The following EDARADD variants were observed in gnomAD, a reference collection of about 807,000 sequenced individuals.
EDARADD encodes the protein EDAR associated via death domain.
In EDARADD, 20 loss-of-function variants were observed where a neutral mutation model predicts 25.6. The observed-to-expected ratio is 0.78, with a 90% CI of 0.55 to 1.14. The LOEUF is 1.14. EDARADD is among the 50% of genes most tolerant of loss of function. The pLI, the probability that EDARADD is intolerant of heterozygous loss-of-function variation, is 0.00. For missense variants in EDARADD, 225 were observed against 270.1 expected (o/e 0.83, Z 1.17); for synonymous variants, 86 against 94.4 (o/e 0.91, Z 0.52).
At chr1:236,440,374 AT>A (rs1658367111) in intron 4 of EDARADD, among the ~76,000 whole-genome samples, 1 of 151,960 alleles carries the variant, frequency 6.6e-6, no homozygotes, top group South Asian at 2.1e-4. Flanking sequence ...CTCCATGTAA[AT>A]TTTAGAATCA....
chr1:236,394,695 TATTTA>T (rs1256209048), intron 1 of EDARADD, among the ~76,000 whole-genome samples, 190 bp downstream of exon 1: 5 of 152,254 alleles, frequency 3.3e-5, no homozygotes, highest in Admixed American at 6.5e-5. Context: ...CAAAGATTCC[TATTTA>T]ATTTAAAATG....
chr1:236,444,610 C>CA (rs1658482749), intron 4 of EDARADD, among the ~76,000 whole-genome samples: 1 of 152,064 alleles, frequency 6.6e-6, no homozygotes, highest in South Asian at 2.1e-4. Flanking sequence ...TTAGTAGAGA[C>CA]GGGGTTTCGC....
At chr1:236,440,410 T>C (rs1658367572) in intron 4 of EDARADD, among the ~76,000 whole-genome samples, 1 of 152,184 alleles carries the variant, frequency 6.6e-6, no homozygotes, top group Admixed American at 6.5e-5. Flanking sequence ...ACAAAATAAC[T>C]TGCTGGGATT....
intron 3 of EDARADD, among the ~76,000 whole-genome samples, chr1:236,355,953 A>G (rs180938394): frequency 1.3e-4 from 20 of 152,272 alleles, no homozygotes; most frequent in Admixed American, 3.3e-4. Context: ...GGACCTCCTG[A>G]GGGCTGTATC....
chr1:236,371,288 G>A (rs7514629), intron 3 of EDARADD, among the ~76,000 whole-genome samples: 4,355 of 152,220 alleles, frequency 0.029, 207 homozygotes, highest in African/African-American at 0.099. Context: ...CTGCAACCTT[G>A]CTGTAATTGT....
chr1:236,405,815 TCC>T (rs1667710819), intron 1 of EDARADD, among the ~76,000 whole-genome samples: 1 of 138,602 alleles, frequency 7.2e-6, no homozygotes, highest in African/African-American at 3.0e-5. Context: ...TTTCTTTCCT[TCC>T]TTCCTTTCCT....
intron 1 of EDARADD, among the ~76,000 whole-genome samples, chr1:236,406,163 C>T (rs1667735693): frequency 1.3e-5 from 2 of 151,682 alleles, no homozygotes; most frequent in African/African-American, 4.9e-5. Flanking sequence ...CTCCAGGTAC[C>T]CTGTAGTGAA....
intron 4 of EDARADD, among the ~76,000 whole-genome samples, chr1:236,453,114 G>T (rs1288489543): frequency 6.6e-6 from 1 of 152,064 alleles, no homozygotes. Flanking sequence ...CAACCCAGAG[G>T]CACTCAAAGT....
At chr1:236,480,944 C>T (rs1177245565) in intron 5 of EDARADD, among the ~76,000 whole-genome samples, 1 of 152,146 alleles carries the variant, frequency 6.6e-6, no homozygotes, top group Non-Finnish European at 1.5e-5. Context: ...AAGCCTCCTG[C>T]TGAGTTTTCT....
intron 3 of EDARADD, among the ~76,000 whole-genome samples, chr1:236,424,300 G>C (rs967605489): frequency 6.6e-6 from 1 of 151,478 alleles, no homozygotes; most frequent in Non-Finnish European, 1.5e-5. Context: ...TAGCTGGGAC[G>C]ATAGGCATGT....
chr1:236,481,838 G>T (rs1488719243), intron 5 of EDARADD, among the ~76,000 whole-genome samples: 7 of 150,798 alleles, frequency 4.6e-5, no homozygotes, highest in Admixed American at 1.3e-4. Flanking sequence ...CTGAGGCCAG[G>T]CACGGTGGCT....
At chr1:236,371,569 AT>A (rs199841789) in intron 3 of EDARADD, among the ~76,000 whole-genome samples, 2,598 of 138,206 alleles carry the variant, frequency 0.019, 47 homozygotes, top group African/African-American at 0.052. Flanking sequence ...TTTTATTAAG[AT>A]TTTTTTTTTT....
At chr1:236,431,595 A>G (rs1265440396) in intron 4 of EDARADD, among the ~76,000 whole-genome samples, 1 of 152,202 alleles carries the variant, frequency 6.6e-6, no homozygotes, top group African/African-American at 2.4e-5. Context: ...ATTCTTGGAC[A>G]TAAAAAATAC....
chr1:236,440,710 T>G (rs1332819130), intron 4 of EDARADD, among the ~76,000 whole-genome samples: 1 of 152,194 alleles, frequency 6.6e-6, no homozygotes, highest in Non-Finnish European at 1.5e-5. Flanking sequence ...ATTTTGGTAT[T>G]TGTTATGATG....
intron 1 of EDARADD, among the ~76,000 whole-genome samples, chr1:236,400,709 C>T (rs1374533881): frequency 6.7e-6 from 1 of 149,178 alleles, no homozygotes; most frequent in East Asian, 2.0e-4. Context: ...CTTGTACCAC[C>T]ACACCCGGCT....
chr1:236,375,334 C>G (rs907268331), intron 3 of EDARADD, among the ~76,000 whole-genome samples: 4 of 152,020 alleles, frequency 2.6e-5, no homozygotes, highest in Admixed American at 2.6e-4. Context: ...TTTGAACAAA[C>G]TGTTATTGTT....
chr1:236,397,360 C>T (rs185709405), intron 1 of EDARADD, among the ~76,000 whole-genome samples: 3 of 152,180 alleles, frequency 2.0e-5, no homozygotes, highest in Admixed American at 1.3e-4. Context: ...CAGTAAGCCA[C>T]TGCACTCCAG....
At position 236,483,567 on chromosome 1, in the gene EDARADD, G is replaced by A. The variant is rs1471449051; in HGVS notation, c.*918G>A. ...GGGGGTTCCCCTGTACCACCACATC[G>A]CCGACTTGTCTGGCAACTCCAAAGT... On this transcript the variant is annotated 3_prime_UTR_variant, in exon 6 of 6. Transcript: ENST00000334232. 1.7e-5 allele frequency: 23 copies of A among 1,320,794 alleles called. No homozygotes were observed. The Admixed American group carries it at 2.4e-4, about 14-fold the overall frequency. 81.8% of individuals were successfully genotyped at this position (1,320,794 alleles called of 1,614,324 possible). A position where few individuals can be genotyped will look rare whatever the true frequency, so the allele number is the denominator to read the frequency against.
chr1:236,394,000 T>TAA (rs200218626), upstream of EDARADD, among the ~76,000 whole-genome samples: 6 of 56,416 alleles, frequency 1.1e-4, 1 homozygote, highest in African/African-American at 2.4e-4. Context: ...CAATCTTCCT[T>TAA]AAAAAAAAAA....
Sources: allele counts gnomAD v4.1 joint callset (sites outside exome capture counted in the v4.1 genomes callset), GRCh38; gene constraint gnomAD v4.1.1; transcripts MANE v1.5; gene names NCBI Gene and HGNC (gene_info 2026-07-23, HGNC 2026-07-21).